Variants in ATP8B1 observed in about 807,000 individuals in gnomAD.
ATP8B1 encodes phospholipid-transporting ATPase IC.
A neutral mutation model predicts 149.9 loss-of-function variants in ATP8B1; 80 were observed. The ratio of observed to expected loss-of-function variants is 0.53; its 90% confidence interval spans 0.45 to 0.64. The LOEUF is 0.64. Ranked by LOEUF, ATP8B1 falls within the 30% of genes least tolerant of loss-of-function variation. The probability of loss-of-function intolerance (pLI) is 0.00; values close to 1 mark genes in which losing one functional copy is unlikely to be tolerated. For synonymous variants in ATP8B1, 536 were observed against 562.8 expected, an observed-to-expected ratio of 0.95 and a Z score of 0.67; for missense variants, 1,247 against 1,552.6, an observed-to-expected ratio of 0.80 and a Z score of 3.31.
chr18:57,683,989 A>G, intron 15 of ATP8B1, 47 bp downstream of exon 15: 1 of 1,613,086 alleles, frequency 6.2e-7, no homozygotes, highest in Non-Finnish European at 8.5e-7. Context: ...TTACCTGGAA[A>G]CAAAAAACCT....
rs1911087924 is a variant in ATP8B1, at chr18:57,669,340, T to C, written c.2075A>G (p.Glu692Gly). The C allele has an allele frequency of 6.2e-7, 1 of 1,612,522 alleles. No individual in the cohort carries two copies. The highest frequency in any genetic ancestry group is 1.7e-5 in the Admixed American group (1 of 59,610). ...NRDEALDKVY[E>G]EIEKDLILLG... is the part of the protein sequence containing the mutation. ...CACAATTAAGTCTTTTTCAATCTCC[T>C]CATATACTTTATCCAGAGCTTCGTC... Residue 692 changes from glutamate to glycine, a missense_variant, in exon 18 of 28, where the codon GAG becomes GGG. Around this residue, in one of 3 missense-constraint regions of ATP8B1, gnomAD observed 853 missense variants for 1,035.7 expected, o/e 0.82. Coordinates refer to ENST00000648908, the MANE Select transcript of ATP8B1 (RefSeq NM_001374385.1).
intron 2 of ATP8B1, among the ~76,000 whole-genome samples, chr18:57,720,959 A>G (rs1467239055): frequency 6.8e-6 from 1 of 146,498 alleles, no homozygotes; most frequent in East Asian, 2.1e-4. Flanking sequence ...CTTAAAGAAA[A>G]GAATTTTCAA....
At chr18:57,777,566 T>TTTTA (rs971317084) in intron 1 of ATP8B1, among the ~76,000 whole-genome samples, 22 of 152,234 alleles carry the variant, frequency 1.4e-4, no homozygotes, top group African/African-American at 4.6e-4. Flanking sequence ...ACACTTTATT[T>TTTTA]TTTATTTATT....
chr18:57,735,947 C>T (rs1208916616), intron 1 of ATP8B1, among the ~76,000 whole-genome samples: 1 of 151,846 alleles, frequency 6.6e-6, no homozygotes, highest in Non-Finnish European at 1.5e-5. Flanking sequence ...GGTATTTGTC[C>T]TAATACTCTC....
Position 57,784,759 on chromosome 18 carries a change from G to A in ATP8B1, c.-26+18239C>T, listed in dbSNP as rs1285073124. Among the ~76,000 whole-genome samples the A allele has an allele frequency of 6.6e-6, 1 of 152,136 alleles. No homozygotes were observed. The highest frequency in any genetic ancestry group is 2.4e-5 in the African/African-American group (1 of 41,424). Reference sequence around the variant, plus strand: ...TAAGAGGACTCCTACCCGTGGTTTAGGGTAGAATTCCTCAGCCTCAACCCT... The same window carrying A: ...TAAGAGGACTCCTACCCGTGGTTTAAGGTAGAATTCCTCAGCCTCAACCCT... On this transcript the variant is annotated intron_variant, in intron 1 of 27. Coordinates refer to ENST00000648908, the MANE Select transcript of ATP8B1 (RefSeq NM_001374385.1). The surrounding 1 kb of genome is among the most constrained non-coding windows in gnomAD (Gnocchi z 4.4).
chr18:57,665,696 G>A (rs1457756731), intron 20 of ATP8B1, among the ~76,000 whole-genome samples: 1 of 151,988 alleles, frequency 6.6e-6, no homozygotes, highest in Non-Finnish European at 1.5e-5. Context: ...GGGATTCCAG[G>A]CACATGCCAC....
intron 22 of ATP8B1, among the ~76,000 whole-genome samples, chr18:57,656,436 A>T (rs539157367): frequency 6.8e-6 from 1 of 146,472 alleles, no homozygotes; most frequent in Non-Finnish European, 1.5e-5. Flanking sequence ...CCCAGGCTGC[A>T]GTGCAATGGC....
chr18:57,730,800 TAC>T lies in ATP8B1; in HGVS notation c.181+825_181+826del, dbSNP rs1233094947. 5.8e-4 allele frequency among the ~76,000 whole-genome samples: 5 copies of T among 8,570 alleles called. No homozygotes were observed. In the East Asian group the frequency reaches 0.018, roughly 30 times the overall value. The allele number at this position is 8,570 out of a possible 152,430, so 5.6% of individuals were successfully genotyped here. A position where few individuals can be genotyped will look rare whatever the true frequency, so the allele number is the denominator to read the frequency against. Reference sequence around the variant, plus strand: ...CTGGCCTGACCCTGGGCAGACCATATACATATATATATATATATATATATATA... The same window carrying T: ...CTGGCCTGACCCTGGGCAGACCATATATATATATATATATATATATATATA... On this transcript the variant is annotated intron_variant, in intron 2 of 27. Coordinates refer to ENST00000648908, the MANE Select transcript of ATP8B1 (RefSeq NM_001374385.1).
rs1246761302 is a variant in ATP8B1, at chr18:57,661,266, T to TG, written c.2614dup (p.Gln872ProfsTer26). The stretch of plus-strand genomic sequence containing the variant: ...CACCAGGTCCACCACCATGGCCTTC[T>TG]GCTTGGGGGTGACGCGGCAGCAGAT... On this transcript the variant is annotated frameshift_variant, in exon 22 of 28. Transcript: ENST00000648908. LOFTEE classifies it high-confidence loss of function. The TG allele has an allele frequency of 6.2e-7, 1 of 1,613,996 alleles. No homozygotes were observed. The highest frequency in any genetic ancestry group is 1.1e-5 in the South Asian group (1 of 91,074).
rs1909304076 is a variant in ATP8B1 at position 57,648,170 on chromosome 18, G to GAGAC, written c.*314_*317dup. On this transcript the variant is annotated 3_prime_UTR_variant, in exon 28 of 28. Transcript: ENST00000648908. Reference sequence around the variant, plus strand: ...CCCGGCTAATTTTTAATTTATGGTAGAGACAGGGTTTCACCATGTTGGCTG... The same window carrying GAGAC: ...CCCGGCTAATTTTTAATTTATGGTAGAGACAGACAGGGTTTCACCATGTTGGCTG... The GAGAC allele has an allele frequency of 2.2e-6, 1 of 445,672 alleles. No individual in the cohort carries two copies. Among genetic ancestry groups the GAGAC allele is most frequent in the Admixed American group, 3.4e-5 (1 of 29,070 alleles). 27.6% of individuals were successfully genotyped at this position (445,672 alleles called of 1,614,324 possible).
chr18:57,798,219 G>C (rs1030956661), intron 1 of ATP8B1, among the ~76,000 whole-genome samples: 2 of 152,116 alleles, frequency 1.3e-5, no homozygotes, highest in African/African-American at 2.4e-5. Flanking sequence ...GAAGCCACAG[G>C]GTTCAGAAAC....
rs1555688371 is a variant in ATP8B1, at chr18:57,658,667, G to GT, written c.2707+2506dup. On this transcript the variant is annotated intron_variant, in intron 22 of 27. Transcript: ENST00000648908. ...TGTGTGTGTGTGTGTGTGTGTGTGT[G>GT]TTCTTTTTTGTTGTTGGAGAAAGGG... Among the ~76,000 whole-genome samples, 533 of 121,496 alleles carry GT rather than the reference G, an allele frequency of 4.4e-3. 3 individuals are homozygous for GT. In the East Asian group the frequency reaches 0.048, roughly 11 times the overall value. The allele number at this position is 121,496 out of a possible 152,430, so 79.7% of individuals were successfully genotyped here. A position where few individuals can be genotyped will look rare whatever the true frequency, so the allele number is the denominator to read the frequency against.
At chr18:57,765,686 AAAGGTT>A (rs2080205249) in intron 1 of ATP8B1, among the ~76,000 whole-genome samples, 1 of 151,664 alleles carries the variant, frequency 6.6e-6, no homozygotes, top group Non-Finnish European at 1.5e-5. Flanking sequence ...AAAAAAAAAA[AAAGGTT>A]AAGGTCAAGC....
intron 26 of ATP8B1, 39 bp downstream of exon 26, chr18:57,651,995 T>C: frequency 6.3e-7 from 1 of 1,591,858 alleles, no homozygotes; most frequent in Non-Finnish European, 8.6e-7. Context: ...CTAATGACAT[T>C]TGTCTGTACA....
intron 13 of ATP8B1, among the ~76,000 whole-genome samples, chr18:57,686,728 G>GT: frequency 6.6e-6 from 1 of 152,138 alleles, no homozygotes; most frequent in East Asian, 1.9e-4. Context: ...CAGAGATGGG[G>GT]TTTTGTCATG....
At chr18:57,797,258 C>A (rs1285811795) in intron 1 of ATP8B1, among the ~76,000 whole-genome samples, 2 of 152,204 alleles carry the variant, frequency 1.3e-5, no homozygotes, top group Non-Finnish European at 2.9e-5. Context: ...ATCAAACAAA[C>A]CGCAACTCCA....
intron 1 of ATP8B1, among the ~76,000 whole-genome samples, chr18:57,792,813 G>T (rs770546498): frequency 2.0e-5 from 3 of 152,116 alleles, no homozygotes; most frequent in Non-Finnish European, 4.4e-5. Context: ...ATGGGGAGTG[G>T]CTGGAAAAAG....
chr18:57,751,369 G>C (rs1301065400), intron 1 of ATP8B1, among the ~76,000 whole-genome samples: 1 of 151,078 alleles, frequency 6.6e-6, no homozygotes, highest in Admixed American at 6.6e-5. Context: ...TGGTGTAGCT[G>C]TAGTCCCAGT....
intron 13 of ATP8B1, 149 bp from the exon 14 acceptor site, chr18:57,685,264 C>T (rs111988662): frequency 4.7e-5 from 41 of 877,454 alleles, no homozygotes; most frequent in African/African-American, 2.8e-4. Flanking sequence ...TTACAGAAAA[C>T]GTTAGATGAC....
Sources: allele counts gnomAD v4.1 joint callset (sites outside exome capture counted in the v4.1 genomes callset), GRCh38; gene constraint gnomAD v4.1.1; regional missense constraint gnomAD v4.1.1; non-coding constraint Gnocchi (gnomAD v3.1); transcripts MANE v1.5; gene names NCBI Gene and HGNC (gene_info 2026-07-23, HGNC 2026-07-21).